The following BCAS4 variants were observed in gnomAD, a reference collection of about 807,000 sequenced individuals.
BCAS4 encodes the protein breast carcinoma-amplified sequence 4.
A neutral mutation model predicts 15.7 loss-of-function variants in BCAS4; 9 were observed. That is an observed-to-expected ratio of 0.57 (90% CI 0.34 to 1.00). The LOEUF is 1.00. BCAS4 is among the 50% of genes least tolerant of loss of function. The pLI, the probability that BCAS4 is intolerant of heterozygous loss-of-function variation, is 0.02. For synonymous variants in BCAS4, 101 were observed against 99.5 expected, an observed-to-expected ratio of 1.02 and a Z score of -0.09; for missense variants, 225 against 239.1, an observed-to-expected ratio of 0.94 and a Z score of 0.39.
chr20:50,853,836 TG>T (rs1978605482), intron 4 of BCAS4, among the ~76,000 whole-genome samples: 1 of 122,964 alleles, frequency 8.1e-6, no homozygotes, highest in South Asian at 2.5e-4. Context: ...TACTGGGGGG[TG>T]TTTTGTGCAC....
chr20:50,809,218 TA>T (rs1222358472), intron 1 of BCAS4, among the ~76,000 whole-genome samples: 1 of 149,162 alleles, frequency 6.7e-6, no homozygotes, highest in Non-Finnish European at 1.5e-5. Flanking sequence ...TTTTTTTTTT[TA>T]ATTTTTTGAG....
At chr20:50,812,770 T>C (rs2088087509) in intron 1 of BCAS4, among the ~76,000 whole-genome samples, 2 of 152,110 alleles carry the variant, frequency 1.3e-5, no homozygotes, top group Admixed American at 6.5e-5. Flanking sequence ...ATGAATATTG[T>C]GCAAGTTTTT....
At chr20:50,803,012 C>A (rs1206308158) in intron 1 of BCAS4, among the ~76,000 whole-genome samples, 1 of 152,216 alleles carries the variant, frequency 6.6e-6, no homozygotes, top group Non-Finnish European at 1.5e-5. Flanking sequence ...AAAACCCAGT[C>A]TCTACAAAAA....
At chr20:50,796,717 A>G (rs1328777760) in intron 1 of BCAS4, among the ~76,000 whole-genome samples, 1 of 151,114 alleles carries the variant, frequency 6.6e-6, no homozygotes, top group Non-Finnish European at 1.5e-5. Context: ...GATGATCTCT[A>G]TCTCTTGACC....
At chr20:50,850,255 C>T (rs1240358573) in intron 4 of BCAS4, among the ~76,000 whole-genome samples, 1 of 152,228 alleles carries the variant, frequency 6.6e-6, no homozygotes, top group Non-Finnish European at 1.5e-5. Context: ...ACACCAGAGG[C>T]AGATGCTATT....
chr20:50,803,106 G>A (rs1307233688), intron 1 of BCAS4, among the ~76,000 whole-genome samples: 1 of 152,142 alleles, frequency 6.6e-6, no homozygotes, highest in African/African-American at 2.4e-5. Flanking sequence ...GCTCGAACCC[G>A]GAATGTGGAG....
At chr20:50,819,104 A>T (rs2088179642) in intron 2 of BCAS4, among the ~76,000 whole-genome samples, 1 of 151,454 alleles carries the variant, frequency 6.6e-6, no homozygotes, top group Admixed American at 6.6e-5. Flanking sequence ...AATTGCTTGA[A>T]CCCGGAAGGT....
At chr20:50,857,003 A>G (rs1416484928) in intron 4 of BCAS4, among the ~76,000 whole-genome samples, 1 of 152,260 alleles carries the variant, frequency 6.6e-6, no homozygotes, top group Non-Finnish European at 1.5e-5. Flanking sequence ...AATGCATTTA[A>G]TTACTTAAAA....
intron 1 of BCAS4, among the ~76,000 whole-genome samples, chr20:50,807,621 G>T (rs2088008138): frequency 2.0e-5 from 3 of 152,200 alleles, no homozygotes; most frequent in Admixed American, 6.5e-5. Flanking sequence ...CCTAAATAGA[G>T]TACATGGCAC....
At chr20:50,876,118 T>G in intron 4 of BCAS4, 1 of 418,992 alleles carries the variant, frequency 2.4e-6, no homozygotes, top group Non-Finnish European at 4.7e-6. Context: ...GCCCGGCTAA[T>G]TTCTGTATTT....
chr20:50,874,637 C>T (rs6096142), intron 4 of BCAS4, among the ~76,000 whole-genome samples: 19 of 152,276 alleles, frequency 1.2e-4, no homozygotes, highest in African/African-American at 3.9e-4. Flanking sequence ...TGTGAGTTGC[C>T]GGCTGGTGGA....
chr20:50,847,144 T>A (rs1337627348), intron 4 of BCAS4, among the ~76,000 whole-genome samples: 1 of 150,154 alleles, frequency 6.7e-6, no homozygotes, highest in Non-Finnish European at 1.5e-5. Context: ...AGCCAGCCGG[T>A]AGAGTGATCT....
At chr20:50,798,321 C>A (rs900595531) in intron 1 of BCAS4, among the ~76,000 whole-genome samples, 1 of 151,468 alleles carries the variant, frequency 6.6e-6, no homozygotes, top group Non-Finnish European at 1.5e-5. Context: ...ACAAAAAAAA[C>A]CCAAAAGAAT....
intron 4 of BCAS4, among the ~76,000 whole-genome samples, chr20:50,857,878 G>A (rs914736359): frequency 3.9e-5 from 6 of 152,116 alleles, no homozygotes; most frequent in African/African-American, 1.2e-4. Context: ...GAGGGTGGGC[G>A]GCTCAGCCAG....
intron 2 of BCAS4, among the ~76,000 whole-genome samples, chr20:50,823,722 C>T (rs2123783084): frequency 6.6e-6 from 1 of 152,192 alleles, no homozygotes; most frequent in East Asian, 1.9e-4. Context: ...CTGTGCGATT[C>T]CACTAGTCTG....
chr20:50,851,866 T>C lies in BCAS4; in HGVS notation c.399+9966T>C, dbSNP rs1978447982. Among the ~76,000 whole-genome samples the C allele has an allele frequency of 6.6e-6, 1 of 152,148 alleles. No individual in the cohort carries two copies. The highest frequency in any genetic ancestry group is 1.5e-5 in the Non-Finnish European group (1 of 68,018). On this transcript the variant is annotated intron_variant, in intron 4 of 4. Coordinates refer to ENST00000371608, the MANE Select transcript of BCAS4 (RefSeq NM_198799.4). The surrounding 1 kb of genome is among the most constrained non-coding windows in gnomAD (Gnocchi z 4.3). ...TCCCCCAGCCAGCCTTCCTCTGGGG[T>C]CCCCTAACCCAAACCCTCGTTCATT...
At chr20:50,847,215 T>C (rs2088556668) in intron 4 of BCAS4, among the ~76,000 whole-genome samples, 1 of 151,754 alleles carries the variant, frequency 6.6e-6, no homozygotes, top group African/African-American at 2.4e-5. Flanking sequence ...GCCTCCCGAG[T>C]AGCTGGGATT....
Position 50,863,381 on chromosome 20 carries a change from C to T in BCAS4, c.400-13105C>T, listed in dbSNP as rs886648873. 4.0e-5 allele frequency among the ~76,000 whole-genome samples: 6 copies of T among 151,486 alleles called. No individual in the cohort carries two copies. The South Asian group carries it at 6.3e-4, about 16-fold the overall frequency. ...CAAGCAATTCTCCTGCCTCAGCCTC[C>T]CCAGTAGCTGGGATTACAGGTGCGT... On this transcript the variant is annotated intron_variant, in intron 4 of 4. Coordinates refer to ENST00000371608, the MANE Select transcript of BCAS4 (RefSeq NM_198799.4).
intron 3 of BCAS4, among the ~76,000 whole-genome samples, chr20:50,835,789 G>A (rs143719371): frequency 6.9e-4 from 105 of 152,224 alleles, no homozygotes; most frequent in Non-Finnish European, 1.2e-3. Context: ...ACCCCTGCAC[G>A]TCTGCTTTCC....
Sources: gnomAD v4.1 joint callset for allele counts (sites outside exome capture counted in the v4.1 genomes callset) on GRCh38, gnomAD v4.1.1 for gene constraint, Gnocchi (gnomAD v3.1) non-coding constraint, MANE v1.5 for transcripts, NCBI Gene and HGNC (gene_info 2026-07-23, HGNC 2026-07-21) for gene names.